CDH12: variants seen among roughly 807,000 people sequenced by gnomAD.
CDH12 encodes cadherin-12.
A neutral mutation model predicts 74.1 loss-of-function variants in CDH12; 41 were observed. The ratio of observed to expected loss-of-function variants is 0.55; its 90% CI spans 0.43 to 0.72. The LOEUF (loss-of-function observed/expected upper bound fraction) is 0.72. Ranked by LOEUF, CDH12 falls within the 30% of genes least tolerant of loss-of-function variation. CDH12 has a pLI of 0.00. For missense variants in CDH12, 945 were observed against 977.2 expected (o/e 0.97, Z 0.44); for synonymous variants, 399 against 355.0 (o/e 1.12, Z -1.39).
At chr5:22,641,512 A>G (rs1452050756) in intron 1 of CDH12, among the ~76,000 whole-genome samples, 1 of 152,084 alleles carries the variant, frequency 6.6e-6, no homozygotes, top group Non-Finnish European at 1.5e-5. Flanking sequence ...TCACCCTCAC[A>G]GGCCCACCCA....
intron 2 of CDH12, among the ~76,000 whole-genome samples, chr5:22,451,547 T>A (rs1033743381): frequency 1.3e-5 from 2 of 151,842 alleles, no homozygotes; most frequent in Non-Finnish European, 2.9e-5. Context: ...ATAAATTAGG[T>A]ATAGAAGGAA....
intron 1 of CDH12, among the ~76,000 whole-genome samples, chr5:22,523,292 A>C (rs1389809723): frequency 2.0e-5 from 3 of 152,094 alleles, no homozygotes; most frequent in African/African-American, 7.2e-5. Flanking sequence ...TTCAAATGTT[A>C]TGCAAATTCT....
In CDH12 at chr5:22,827,060, G is replaced by T. The variant is rs180734279; in HGVS notation, c.-523+25998C>A. Among the ~76,000 whole-genome samples the T allele has an allele frequency of 5.3e-5, 8 of 152,254 alleles. No homozygotes were observed. In the East Asian group the frequency reaches 1.5e-3, roughly 29 times the overall value. ...AGCCCCTCCCGTTACAGGCCCACAG[G>T]TTTAAGAAAAAAAGTGGTTTCCTGG... On this transcript the variant is annotated intron_variant, in intron 1 of 14. Coordinates refer to ENST00000382254, the MANE Select transcript of CDH12 (RefSeq NM_004061.5).
chr5:22,224,630 T>A (rs1439725657), intron 3 of CDH12, among the ~76,000 whole-genome samples: 1 of 152,054 alleles, frequency 6.6e-6, no homozygotes, highest in African/African-American at 2.4e-5. Context: ...GTGAGTCATA[T>A]AAAAACAGGC....
At chr5:22,667,056 T>G (rs1434652727) in intron 1 of CDH12, among the ~76,000 whole-genome samples, 1 of 152,168 alleles carries the variant, frequency 6.6e-6, no homozygotes, top group South Asian at 2.1e-4. Context: ...CTTGCACACA[T>G]TAGTCCTTCT....
At chr5:22,231,484 T>C (rs1411680969) in intron 3 of CDH12, among the ~76,000 whole-genome samples, 1 of 152,042 alleles carries the variant, frequency 6.6e-6, no homozygotes, top group Non-Finnish European at 1.5e-5. Context: ...AAAAGATATA[T>C]GGTACCATTA....
chr5:22,722,582 C>G (rs1268588681), intron 1 of CDH12, among the ~76,000 whole-genome samples: 2 of 150,332 alleles, frequency 1.3e-5, no homozygotes, highest in Non-Finnish European at 3.0e-5. Context: ...GATTTAAATA[C>G]TCACAAGTTC....
intron 1 of CDH12, among the ~76,000 whole-genome samples, chr5:22,551,779 C>T (rs1273555378): frequency 6.9e-6 from 1 of 145,554 alleles, no homozygotes; most frequent in Non-Finnish European, 1.5e-5. Flanking sequence ...AACAGCTGTG[C>T]AAAAGAGATC....
At chr5:22,411,677 C>T (rs1743176136) in intron 2 of CDH12, among the ~76,000 whole-genome samples, 1 of 151,970 alleles carries the variant, frequency 6.6e-6, no homozygotes, top group Non-Finnish European at 1.5e-5. Context: ...TATTTTTTCA[C>T]TCACATAGTT....
intron 1 of CDH12, among the ~76,000 whole-genome samples, chr5:22,651,071 G>A (rs1739711272): frequency 6.6e-6 from 1 of 151,966 alleles, no homozygotes; most frequent in Non-Finnish European, 1.5e-5. Flanking sequence ...TCAAAGTATA[G>A]GTAGAGGGAA....
intron 8 of CDH12, among the ~76,000 whole-genome samples, chr5:21,826,699 G>A (rs1487657663): frequency 2.6e-5 from 4 of 152,050 alleles, no homozygotes; most frequent in Admixed American, 6.6e-5. Context: ...TGAAGGAAAC[G>A]AATAAATTTT....
intron 4 of CDH12, among the ~76,000 whole-genome samples, chr5:22,172,968 C>T (rs2150330070): frequency 6.6e-6 from 1 of 151,610 alleles, no homozygotes; most frequent in South Asian, 2.1e-4. Flanking sequence ...TTACCCAAGA[C>T]TCATTAATCA....
chr5:21,875,195 C>T lies in CDH12; in HGVS notation c.527-20405G>A, dbSNP rs144370731. Reference sequence around the variant, plus strand: ...TAATCTTTCTAAAAGATTTTGTGTGCTATTTTATACTTGAGTTGCATTAGA... The same window carrying T: ...TAATCTTTCTAAAAGATTTTGTGTGTTATTTTATACTTGAGTTGCATTAGA... On this transcript the variant is annotated intron_variant, in intron 6 of 14. Coordinates refer to ENST00000382254, the MANE Select transcript of CDH12 (RefSeq NM_004061.5). Among the ~76,000 whole-genome samples, 3 of 152,260 alleles carry T rather than the reference C, an allele frequency of 2.0e-5. 1 individual carries two copies. In the East Asian group the frequency reaches 5.8e-4, roughly 29 times the overall value.
intron 3 of CDH12, among the ~76,000 whole-genome samples, chr5:22,349,627 T>C (rs1432429408): frequency 2.6e-5 from 4 of 151,412 alleles, no homozygotes; most frequent in African/African-American, 9.8e-5. Flanking sequence ...TTCCAACCAA[T>C]CAATCAATCT....
At chr5:22,206,469 A>G (rs1401582145) in intron 4 of CDH12, among the ~76,000 whole-genome samples, 1 of 152,020 alleles carries the variant, frequency 6.6e-6, no homozygotes, top group Non-Finnish European at 1.5e-5. Flanking sequence ...ATATGTCTCA[A>G]ACTGTGGTTC....
intron 8 of CDH12, among the ~76,000 whole-genome samples, chr5:21,824,364 G>A (rs73054948): frequency 0.013 from 2,006 of 152,140 alleles, 47 homozygotes; most frequent in African/African-American, 0.045. Context: ...TTCTCTTGCA[G>A]CAGCCTCCAC....
intron 6 of CDH12, among the ~76,000 whole-genome samples, chr5:21,893,704 C>T (rs1451565997): frequency 2.0e-5 from 3 of 152,162 alleles, no homozygotes; most frequent in African/African-American, 7.2e-5. Flanking sequence ...TTCTTATCTA[C>T]TGATATATAG....
chr5:22,199,018 G>A (rs1190918857), intron 4 of CDH12, among the ~76,000 whole-genome samples: 2 of 152,038 alleles, frequency 1.3e-5, no homozygotes, highest in African/African-American at 2.4e-5. Context: ...GTGTTCAAAA[G>A]GGGAAATTGG....
At chr5:22,725,459 A>G (rs1337960702) in intron 1 of CDH12, among the ~76,000 whole-genome samples, 2 of 151,838 alleles carry the variant, frequency 1.3e-5, no homozygotes, top group Non-Finnish European at 3.0e-5. Context: ...TGAATTGAAT[A>G]TAACAATCAG....
Sources: gnomAD v4.1 joint callset for allele counts (sites outside exome capture counted in the v4.1 genomes callset) on GRCh38, gnomAD v4.1.1 for gene constraint, MANE v1.5 for transcripts, NCBI Gene and HGNC (gene_info 2026-07-23, HGNC 2026-07-21) for gene names.